Variants in GCC2 observed in about 807,000 individuals in gnomAD.
GCC2 encodes the protein GRIP and coiled-coil domain containing 2, also known as GRIP and coiled-coil domain-containing protein 2.
GCC2 carries 120 observed loss-of-function variants against 210.6 expected under a neutral mutation model. The ratio of observed to expected loss-of-function variants is 0.57; its 90% CI spans 0.49 to 0.66. The LOEUF (loss-of-function observed/expected upper bound fraction) is 0.66, where lower values mean the gene tolerates loss of function less well. Among genes scored for constraint, GCC2 ranks in the 30% least tolerant of loss-of-function variants. The pLI, the probability that GCC2 is intolerant of heterozygous loss-of-function variation, is 0.00. For missense variants in GCC2, 1,868 were observed against 1,871.9 expected, an observed-to-expected ratio of 1.00 and a Z score of 0.04; for synonymous variants, 703 against 652.7, an observed-to-expected ratio of 1.08 and a Z score of -1.17.
At chr2:108,497,142 C>A (rs371568544) in intron 21 of GCC2, 33 bp downstream of exon 21, 3 of 1,611,694 alleles carry the variant, frequency 1.9e-6, no homozygotes, top group Non-Finnish European at 2.5e-6. Context: ...CCGTGAAAAC[C>A]GCCAGTTTGG....
intron 9 of GCC2, 50 bp from the exon 10 acceptor site, chr2:108,481,647 C>G: frequency 2.1e-6 from 3 of 1,443,570 alleles, no homozygotes; most frequent in Non-Finnish European, 2.8e-6. Context: ...GAAGTCTGAC[C>G]TGTTGAATGC....
chr2:108,498,183 C>CTTTTTTTTTTTTTTTTTTTTT lies in GCC2; in HGVS notation c.4782+1084_4782+1104dup, dbSNP rs3084885. Among the ~76,000 whole-genome samples, 4 of 57,478 alleles carry CTTTTTTTTTTTTTTTTTTTTT rather than the reference C, an allele frequency of 7.0e-5. 1 individual carries two copies. The highest frequency in any genetic ancestry group is 1.5e-4 in the African/African-American group (2 of 13,648). 37.7% of individuals were successfully genotyped at this position (57,478 alleles called of 152,430 possible). On this transcript the variant is annotated intron_variant, in intron 21 of 22. Coordinates refer to ENST00000309863, the MANE Select transcript of GCC2 (RefSeq NM_181453.4). ...ATGACTTATTTAAATGTTATATTTT[C>CTTTTTTTTTTTTTTTTTTTTT]TTTTTTTTTTTTTTTTTTTTTTTTT...
In GCC2 at chr2:108,449,222, A is replaced by G. The variant is rs574492010; in HGVS notation, c.-53A>G. The stretch of plus-strand genomic sequence containing the variant: ...GCCTACGTCAGAGGCTGGCGCAAAC[A>G]GAAGTGCAGCGGTGGCGGCGGCTGG... On this transcript the variant is annotated 5_prime_UTR_variant, in exon 1 of 23. Transcript: ENST00000309863. 6.5e-6 allele frequency: 10 copies of G among 1,537,570 alleles called. No individual in the cohort carries two copies. The East Asian group carries it at 1.2e-4, about 19-fold the overall frequency.
At position 108,470,925 on chromosome 2, in the gene GCC2, CCTT is replaced by C. The variant is rs1558740067; in HGVS notation, c.1599_1601del (p.Leu534del). ...GAACTGCTTTTACTGAAAAAGATGC[CCTT>C]CTCGAAACTGTGAATCGCCTCCAGG... On this transcript the variant is annotated inframe_deletion, in exon 6 of 23. Transcript: ENST00000309863. 1 of 1,613,286 alleles carries C rather than the reference CCTT, an allele frequency of 6.2e-7. No individual in the cohort carries two copies. Among genetic ancestry groups the C allele is most frequent in the Admixed American group, 1.7e-5 (1 of 59,982 alleles).
At chr2:108,507,511 T>A (rs1333676532) in intron 22 of GCC2, 49 bp from the exon 23 acceptor site, 2 of 1,386,918 alleles carry the variant, frequency 1.4e-6, no homozygotes, top group Non-Finnish European at 2.0e-6. Flanking sequence ...ATTTTAATAC[T>A]CTCTTTTTTC....
chr2:108,502,204 A>G lies in GCC2; in HGVS notation c.4984+2450A>G, dbSNP rs536035164. On this transcript the variant is annotated intron_variant, in intron 22 of 22. Coordinates refer to ENST00000309863, the MANE Select transcript of GCC2 (RefSeq NM_181453.4). ...CAACCAGGACTTTAAGAACGTTTGC[A>G]TTTTAAAATTAAAGTTTTCAATAGC... Among the ~76,000 whole-genome samples the G allele has an allele frequency of 7.2e-5, 11 of 152,324 alleles. No homozygotes were observed. In the South Asian group the frequency reaches 2.3e-3, roughly 32 times the overall value.
chr2:108,449,995 G>A (rs918087610), intron 2 of GCC2: 11 of 311,524 alleles, frequency 3.5e-5, no homozygotes, highest in African/African-American at 1.9e-4. Context: ...GTGACATAGG[G>A]TAGGAATCAA....
At chr2:108,468,441 T>C (rs1681016127) in intron 4 of GCC2, among the ~76,000 whole-genome samples, 1 of 152,234 alleles carries the variant, frequency 6.6e-6, no homozygotes, top group African/African-American at 2.4e-5. Context: ...TTAAAAGGTG[T>C]CTATTTTGAT....
Position 108,475,754 on chromosome 2 carries a change from C to T in GCC2, c.2964C>T (p.Thr988=). 1 of 1,593,926 alleles carries T rather than the reference C, an allele frequency of 6.3e-7. No individual in the cohort carries two copies. The highest frequency in any genetic ancestry group is 1.1e-5 in the South Asian group (1 of 87,972). ...AATTTTACTTGTGTTTAAAACAGAC[C>T]CAGACTGTGAAGGAAGAACTTGAAT... ...KKELDSSRKE[T]QTVKEELESL... The change falls in exon 9 of 23, where the codon ACC becomes ACT. Residue 988 remains threonine, a splice_region_variant and synonymous_variant. Coordinates refer to ENST00000309863, the MANE Select transcript of GCC2 (RefSeq NM_181453.4).
In GCC2 at chr2:108,484,302, G is replaced by A. The variant is rs1418410717; in HGVS notation, c.3604G>A (p.Glu1202Lys). ...AAAACAGAAACAAGAAACCCTACAA[G>A]AAGAAATAAGTGAGTTAAAGAAAAT... ...IQKQKQETLQ[E>K]EITSLQSSVQ... Residue 1202 changes from glutamate (E) to lysine (K), a missense_variant, in exon 13 of 23, where the codon GAA becomes AAA. By Grantham distance (56) the Glu-to-Lys change is moderately conservative. Around this residue, in one of 3 missense-constraint regions of GCC2, gnomAD observed 1,847 missense variants for 1,765.2 expected, o/e 1.05. Transcript: ENST00000309863. 1.3e-6 allele frequency: 2 copies of A among 1,494,794 alleles called. No individual in the cohort carries two copies. The allele number at this position is 1,494,794 out of a possible 1,614,324, so 92.6% of individuals were successfully genotyped here. A position where few individuals can be genotyped will look rare whatever the true frequency, so the allele number is the denominator to read the frequency against.
At chr2:108,459,745 C>CTTTTTTTTTTTTTTT (rs34052393) in intron 4 of GCC2, among the ~76,000 whole-genome samples, 512 of 26,680 alleles carry the variant, frequency 0.019, 45 homozygotes, top group Middle Eastern at 0.029. Context: ...CCTTCTTTGT[C>CTTTTTTTTTTTTTTT]TTTTTTTTTT....
chr2:108,486,296 C>A, intron 15 of GCC2: 1 of 550,758 alleles, frequency 1.8e-6, no homozygotes, highest in Non-Finnish European at 3.3e-6. Flanking sequence ...CTGGGATTTT[C>A]TTTTTTTTGA....
intron 18 of GCC2, among the ~76,000 whole-genome samples, chr2:108,490,656 G>T (rs781232141): frequency 7.9e-5 from 12 of 152,100 alleles, no homozygotes; most frequent in Non-Finnish European, 1.3e-4. Context: ...ATGAAAGCAG[G>T]TTTAGCTTTT....
intron 22 of GCC2, among the ~76,000 whole-genome samples, chr2:108,503,243 A>G (rs955600150): frequency 2.6e-5 from 4 of 152,056 alleles, no homozygotes; most frequent in African/African-American, 9.7e-5. Context: ...AGAAATCTCA[A>G]AAGCAGCCAG....
intron 4 of GCC2, among the ~76,000 whole-genome samples, chr2:108,456,347 G>GA (rs926357429): frequency 2.0e-5 from 3 of 152,304 alleles, no homozygotes; most frequent in Admixed American, 2.0e-4. Flanking sequence ...CAACAGTGTA[G>GA]AAGAGTTCTT....
intron 21 of GCC2, among the ~76,000 whole-genome samples, chr2:108,498,178 A>ATTT (rs1682737796): frequency 1.5e-5 from 1 of 64,834 alleles, no homozygotes; most frequent in Non-Finnish European, 3.2e-5. Context: ...TAAATGTTAT[A>ATTT]TTTTCTTTTT....
rs562062984 is a variant in GCC2 at position 108,506,241 on chromosome 2, C to T, written c.4985-1319C>T. Among the ~76,000 whole-genome samples, 3 of 152,248 alleles carry T rather than the reference C, an allele frequency of 2.0e-5. No homozygotes were observed. The East Asian group carries it at 5.8e-4, about 29-fold the overall frequency. ...AAGATCTCAGTTATCCTTCAACTGG[C>T]AAATGAATAAACTGGTACAGCCATG... is the stretch of plus-strand genomic sequence containing the variant. On this transcript the variant is annotated intron_variant, in intron 22 of 22. Coordinates refer to ENST00000309863, the MANE Select transcript of GCC2 (RefSeq NM_181453.4).
chr2:108,454,860 A>G (rs976158770), intron 4 of GCC2, among the ~76,000 whole-genome samples: 7 of 152,012 alleles, frequency 4.6e-5, no homozygotes, highest in Middle Eastern at 3.2e-3. Flanking sequence ...ATTGTTAGTT[A>G]TCATTGTTAT....
intron 22 of GCC2, among the ~76,000 whole-genome samples, chr2:108,506,457 T>C (rs1172975230): frequency 1.3e-5 from 2 of 151,676 alleles, no homozygotes; most frequent in African/African-American, 4.9e-5. Flanking sequence ...TGCCAAGGAG[T>C]GGGAGAAGCA....
Sources: gnomAD v4.1 joint callset for allele counts (sites outside exome capture counted in the v4.1 genomes callset) on GRCh38, gnomAD v4.1.1 for gene constraint, gnomAD v4.1.1 regional missense constraint, MANE v1.5 for transcripts, NCBI Gene and HGNC (gene_info 2026-07-23, HGNC 2026-07-21) for gene names.